The following TTC19 variants were observed in gnomAD, a reference collection of about 807,000 sequenced individuals.
The protein encoded by TTC19 is tetratricopeptide repeat protein 19, mitochondrial.
TTC19 carries 38 observed loss-of-function variants against 49.5 expected under a neutral mutation model. The ratio of observed to expected loss-of-function variants is 0.77; its 90% CI spans 0.59 to 1.01. The LOEUF is 1.01. Ranked by LOEUF, TTC19 falls within the 50% of genes least tolerant of loss-of-function variation. The probability of loss-of-function intolerance (pLI) is 0.00; values close to 1 mark genes in which losing one functional copy is unlikely to be tolerated. For synonymous variants in TTC19, 204 were observed against 185.2 expected (o/e 1.10, Z -0.83); for missense variants, 475 against 477.7 (o/e 0.99, Z 0.05).
chr17:16,003,282 G>A (rs1162460628), intron 4 of TTC19, among the ~76,000 whole-genome samples: 1 of 151,988 alleles, frequency 6.6e-6, no homozygotes, highest in Non-Finnish European at 1.5e-5. Context: ...ATAAGGTCTT[G>A]CTCTGTTGCC....
intron 4 of TTC19, 42 bp downstream of exon 4, chr17:16,002,873 T>A: frequency 6.3e-7 from 1 of 1,576,568 alleles, no homozygotes; most frequent in Non-Finnish European, 8.7e-7. Flanking sequence ...TATGAAGGAG[T>A]AGCTTCAAGG....
chr17:16,006,454 T>C lies in TTC19; in HGVS notation c.582-20T>C. ...AAAAGAAGAAAAGGTAAATGGCTGA[T>C]TATTGATTTTGCTTTACAGACAGGA... On this transcript the variant is annotated intron_variant, in intron 6 of 9. Coordinates refer to ENST00000261647, the MANE Select transcript of TTC19 (RefSeq NM_017775.4). The C allele has an allele frequency of 6.6e-7, 1 of 1,514,246 alleles. No individual in the cohort carries two copies. The highest frequency in any genetic ancestry group is 2.3e-5 in the East Asian group (1 of 44,332). 93.8% of individuals were successfully genotyped at this position (1,514,246 alleles called of 1,614,324 possible).
Position 16,028,573 on chromosome 17 carries a change from T to C in TTC19, c.*1051T>C, listed in dbSNP as rs1179159656. ...CACACTGTCTCAAAGTATGTAAAGA[T>C]ACATAGGTGGATGCTCTTACTGCAG... On this transcript the variant is annotated 3_prime_UTR_variant, in exon 10 of 10. Transcript: ENST00000261647. 2 of 453,928 alleles carry C rather than the reference T, an allele frequency of 4.4e-6. No individual in the cohort carries two copies. The highest frequency in any genetic ancestry group is 8.8e-6 in the Non-Finnish European group (2 of 226,786). 28.1% of individuals were successfully genotyped at this position (453,928 alleles called of 1,614,324 possible).
intron 9 of TTC19, 117 bp from the exon 10 acceptor site, chr17:16,027,257 G>A (rs1971591758): frequency 8.2e-7 from 1 of 1,212,974 alleles, no homozygotes; most frequent in African/African-American, 1.5e-5. Context: ...GCACCAGCTT[G>A]TCGCTTCATA....
chr17:16,036,205 A>C (rs1215464704), intron 2 of TTC19, among the ~76,000 whole-genome samples: 2 of 152,216 alleles, frequency 1.3e-5, no homozygotes, highest in African/African-American at 2.4e-5. Flanking sequence ...GAACCTTTCC[A>C]TCAGAGCTCT....
intron 2 of TTC19, among the ~76,000 whole-genome samples, chr17:16,041,882 G>T (rs1008733739): frequency 1.3e-5 from 2 of 151,608 alleles, no homozygotes; most frequent in South Asian, 4.2e-4. Flanking sequence ...GACTACAGGC[G>T]CCCGCCACTA....
chr17:16,034,920 A>T (rs1379966317), intron 2 of TTC19: 1 of 1,613,976 alleles, frequency 6.2e-7, no homozygotes, highest in African/African-American at 1.3e-5. Flanking sequence ...TGACTTGCTG[A>T]TCAGCTTTGG....
intron 7 of TTC19, among the ~76,000 whole-genome samples, chr17:16,021,771 T>G (rs1035412915): frequency 6.6e-6 from 1 of 152,192 alleles, no homozygotes; most frequent in Non-Finnish European, 1.5e-5. Flanking sequence ...GAGGCCTGCT[T>G]TTTTACTGTC....
rs1971640598 is a variant in TTC19, at chr17:16,028,090, G to C, written c.*568G>C. On this transcript the variant is annotated 3_prime_UTR_variant, in exon 10 of 10. Transcript: ENST00000261647. ...CATCCAGCATGAAGTTGTAAAGTGGGGATTAGGCACGTGACAGTATAGCAC... is the reference window on the plus strand; with the variant it reads ...CATCCAGCATGAAGTTGTAAAGTGGCGATTAGGCACGTGACAGTATAGCAC... 2.2e-6 allele frequency: 1 copy of C among 453,768 alleles called. No homozygotes were observed. The highest frequency in any genetic ancestry group is 4.4e-6 in the Non-Finnish European group (1 of 226,746). The allele number at this position is 453,768 out of a possible 1,614,324, so 28.1% of individuals were successfully genotyped here.
At chr17:16,001,335 C>T (rs1228458672) in intron 2 of TTC19, among the ~76,000 whole-genome samples, 3 of 152,162 alleles carry the variant, frequency 2.0e-5, no homozygotes, top group African/African-American at 7.2e-5. Flanking sequence ...CCCTTCACAT[C>T]TATTTCTTTG....
chr17:16,014,899 T>G lies in TTC19; in HGVS notation c.676+8331T>G, dbSNP rs1041955157. On this transcript the variant is annotated intron_variant, in intron 7 of 9. Transcript: ENST00000261647. Reference sequence around the variant, plus strand: ...AGGAAACTTAGTCTTATATCCAATTTGGTACCAAGATATATGAATAGATTT... The same window carrying G: ...AGGAAACTTAGTCTTATATCCAATTGGGTACCAAGATATATGAATAGATTT... 3.9e-5 allele frequency among the ~76,000 whole-genome samples: 6 copies of G among 152,298 alleles called. No homozygotes were observed. The South Asian group carries it at 1.2e-3, about 32-fold the overall frequency.
chr17:16,016,825 T>TG (rs1238815655), intron 7 of TTC19, among the ~76,000 whole-genome samples: 1 of 152,168 alleles, frequency 6.6e-6, no homozygotes, highest in Non-Finnish European at 1.5e-5. Flanking sequence ...CCCAGAGTGC[T>TG]GGGATTACAG....
intron 2 of TTC19, chr17:16,044,466 T>C (rs925216844): frequency 6.3e-6 from 3 of 473,148 alleles, no homozygotes; most frequent in Admixed American, 2.3e-5. Flanking sequence ...TAGTAGATGG[T>C]AGATCACAGA....
intron 2 of TTC19, chr17:16,039,790 A>G: frequency 1.3e-6 from 1 of 753,034 alleles, no homozygotes. Context: ...CCCACCACAC[A>G]GAGACCTTTT....
intron 6 of TTC19, 60 bp downstream of exon 6, chr17:16,004,322 C>T (rs1339179752): frequency 4.1e-6 from 6 of 1,477,808 alleles, no homozygotes; most frequent in Non-Finnish European, 5.7e-6. Flanking sequence ...TGGGATGTTA[C>T]ATAATATTCA....
chr17:16,044,425 ACTTTC>A lies in TTC19; in HGVS notation c.248-72_248-68del, dbSNP rs1346372815. ...AGGCAGTTCACAGTGCAAGGCCCCC[ACTTTC>A]CTTTCTTTTGACAGGATCAGGAGAC... On this transcript the variant is annotated intron_variant, in intron 2 of 2. Coordinates refer to the TTC19 transcript ENST00000470649. 1.1e-5 allele frequency: 5 copies of A among 471,572 alleles called. No homozygotes were observed. In the Admixed American group the frequency reaches 1.2e-4, roughly 11 times the overall value. 29.2% of individuals were successfully genotyped at this position (471,572 alleles called of 1,614,324 possible).
At chr17:16,007,037 C>T (rs539661378) in intron 7 of TTC19, among the ~76,000 whole-genome samples, 10 of 152,294 alleles carry the variant, frequency 6.6e-5, no homozygotes, top group African/African-American at 2.4e-4. Flanking sequence ...TCTAGCTCTC[C>T]ACCATTTTGG....
chr17:16,001,849 TTC>T (rs1372644540), intron 2 of TTC19, 64 bp from the exon 3 acceptor site: 6 of 1,100,888 alleles, frequency 5.5e-6, no homozygotes, highest in Middle Eastern at 2.0e-4. Context: ...TTGCATACAC[TTC>T]TGTCTCTTAG....
At chr17:16,018,868 C>T (rs1971288863) in intron 7 of TTC19, among the ~76,000 whole-genome samples, 1 of 152,168 alleles carries the variant, frequency 6.6e-6, no homozygotes, top group South Asian at 2.1e-4. Context: ...TGAGGACTTA[C>T]CAAATATCTG....
Sources: allele counts gnomAD v4.1 joint callset (sites outside exome capture counted in the v4.1 genomes callset), GRCh38; gene constraint gnomAD v4.1.1; transcripts MANE v1.5; gene names NCBI Gene and HGNC (gene_info 2026-07-23, HGNC 2026-07-21).